The following OLFM2 variants were observed in gnomAD, a reference collection of about 807,000 sequenced individuals.
The protein encoded by OLFM2 is olfactomedin 2, also known as noelin-2.
OLFM2 carries 20 observed loss-of-function variants against 43.9 expected under a neutral mutation model. The ratio of observed to expected loss-of-function variants is 0.46; its 90% CI spans 0.32 to 0.66. The LOEUF (loss-of-function observed/expected upper bound fraction) is 0.66. OLFM2 is among the 30% of genes least tolerant of loss of function. OLFM2 has a pLI of 0.04. For missense variants in OLFM2, 416 were observed against 643.6 expected, an observed-to-expected ratio of 0.65 and a Z score of 3.83; for synonymous variants, 268 against 278.6, an observed-to-expected ratio of 0.96 and a Z score of 0.38.
intron 1 of OLFM2, among the ~76,000 whole-genome samples, chr19:9,903,823 T>G (rs1599491129): frequency 6.6e-6 from 1 of 152,206 alleles, no homozygotes; most frequent in Non-Finnish European, 1.5e-5. Flanking sequence ...AGCATCTATC[T>G]GCAGAACCAA....
rs2046300514 is a variant in OLFM2, at chr19:9,854,725, CG to C, written c.825del (p.Asn275LysfsTer101). On this transcript the variant is annotated frameshift_variant, in exon 6 of 6. Transcript: ENST00000264833. LOFTEE classifies it high-confidence loss of function. The surrounding 1 kb of genome is among the most constrained non-coding windows in gnomAD (Gnocchi z 9.5). ...PWAGTGHVVY[N>X]GSLFYNKYQS... is the part of the protein sequence containing the mutation. ...TGGTACTTGTTATAGAACAGGGAGC[CG>C]TTGTACACCACGTGGCCCGTGCCCG... 6.2e-7 allele frequency: 1 copy of C among 1,614,002 alleles called. No homozygotes were observed. The highest frequency in any genetic ancestry group is 1.1e-5 in the South Asian group (1 of 91,088).
chr19:9,912,438 G>A (rs550730908), intron 1 of OLFM2, among the ~76,000 whole-genome samples: 1 of 152,298 alleles, frequency 6.6e-6, no homozygotes, highest in East Asian at 1.9e-4. Flanking sequence ...TGGGGCTAAA[G>A]AAAGGGAGCC....
intron 1 of OLFM2, among the ~76,000 whole-genome samples, chr19:9,891,363 A>G (rs10410131): frequency 0.52 from 76,999 of 148,420 alleles, 20,532 homozygotes; most frequent in Admixed American, 0.61. Context: ...AGTGGCTCAC[A>G]TCTGTAATCC....
At position 9,854,315 on chromosome 19, in the gene OLFM2, G is replaced by A; in HGVS notation, c.1236C>T (p.Asn412=). 6.2e-7 allele frequency: 1 copy of A among 1,614,214 alleles called. No individual in the cohort carries two copies. Among genetic ancestry groups the A allele is most frequent in the South Asian group, 1.1e-5 (1 of 91,088 alleles). Residue 412 remains asparagine (N), a synonymous_variant, in exon 6 of 6, where the codon AAC becomes AAT. Coordinates refer to ENST00000264833, the MANE Select transcript of OLFM2 (RefSeq NM_058164.4). The surrounding 1 kb of genome is among the most constrained non-coding windows in gnomAD (Gnocchi z 9.5). ...CCAGCATCGAGATGTGGGAATACTG[G>A]TTGTGGAAGGGCACGTCCGTGTACT... ...SYEYTDVPFH[N]QYSHISMLDY...
At chr19:9,921,249 TGG>T (rs2086418000) in intron 1 of OLFM2, among the ~76,000 whole-genome samples, 1 of 152,062 alleles carries the variant, frequency 6.6e-6, no homozygotes, top group Non-Finnish European at 1.5e-5. Context: ...TCCGAGTAGC[TGG>T]GACTACAGTC....
At chr19:9,934,939 A>G (rs984715931) in intron 1 of OLFM2, among the ~76,000 whole-genome samples, 1 of 152,118 alleles carries the variant, frequency 6.6e-6, no homozygotes, top group Non-Finnish European at 1.5e-5. Context: ...TCCCCTGCCT[A>G]TCTACCTAAA....
chr19:9,869,465 GTCTT>G (rs879697408), intron 1 of OLFM2, among the ~76,000 whole-genome samples: 11 of 152,066 alleles, frequency 7.2e-5, no homozygotes, highest in Non-Finnish European at 1.3e-4. Context: ...ACCTCTCTGT[GTCTT>G]TCTTAGTTTT....
intron 1 of OLFM2, among the ~76,000 whole-genome samples, chr19:9,903,823 T>C (rs1599491129): frequency 6.6e-6 from 1 of 152,206 alleles, no homozygotes; most frequent in African/African-American, 2.4e-5. Flanking sequence ...AGCATCTATC[T>C]GCAGAACCAA....
chr19:9,857,361 G>T lies in OLFM2; in HGVS notation c.482C>A (p.Ala161Glu), dbSNP rs543442669. 1 of 1,614,150 alleles carries T rather than the reference G, an allele frequency of 6.2e-7. No homozygotes were observed. Among genetic ancestry groups the T allele is most frequent in the South Asian group, 1.1e-5 (1 of 91,086 alleles). The change falls in exon 4 of 6, where the codon GCG becomes GAG. Residue 161 changes from alanine (A) to glutamate (E), a missense_variant. Transcript: ENST00000264833. This position sits in a 1 kb window ranked among gnomAD's most constrained non-coding sequence, Gnocchi z 5.7. The stretch of plus-strand genomic sequence containing the variant: ...GGCACCCATCTCCTCCTGAATGGCC[G>T]CCAGACTGCCGGAGAGATTCCTCAC... ...EEVRNLSGSL[A>E]AIQEEMGAYG...
intron 1 of OLFM2, among the ~76,000 whole-genome samples, chr19:9,894,828 C>G (rs924140121): frequency 1.2e-4 from 18 of 152,068 alleles, no homozygotes; most frequent in African/African-American, 4.3e-4. Flanking sequence ...GGAGTCTGAC[C>G]CTTACCAAAG....
At chr19:9,914,131 C>G (rs984167374) in intron 1 of OLFM2, among the ~76,000 whole-genome samples, 1 of 151,806 alleles carries the variant, frequency 6.6e-6, no homozygotes, top group Non-Finnish European at 1.5e-5. Flanking sequence ...GCCTCCCGCA[C>G]GCAGACCCTC....
At chr19:9,898,117 G>C (rs1228849870) in intron 1 of OLFM2, among the ~76,000 whole-genome samples, 1 of 144,550 alleles carries the variant, frequency 6.9e-6, no homozygotes, top group Non-Finnish European at 1.5e-5. Flanking sequence ...CACCATGTTG[G>C]TCAGGGTGGT....
At chr19:9,878,561 C>A (rs1280546997) in intron 1 of OLFM2, among the ~76,000 whole-genome samples, 2 of 151,810 alleles carry the variant, frequency 1.3e-5, no homozygotes, top group African/African-American at 4.8e-5. Flanking sequence ...AGTTTCATTT[C>A]TCAAACAGGG....
chr19:9,862,015 G>A (rs1017491908), intron 1 of OLFM2, among the ~76,000 whole-genome samples: 5 of 101,432 alleles, frequency 4.9e-5, no homozygotes, highest in African/African-American at 8.1e-5. Context: ...GCAAGACTCC[G>A]TCTCAAAGAA....
chr19:9,895,226 G>A (rs146060062), intron 1 of OLFM2, among the ~76,000 whole-genome samples: 1 of 152,240 alleles, frequency 6.6e-6, no homozygotes, highest in East Asian at 1.9e-4. Flanking sequence ...AGTGGCTTAT[G>A]CCTGTTATCC....
intron 1 of OLFM2, among the ~76,000 whole-genome samples, chr19:9,879,656 A>G (rs1478133870): frequency 6.8e-6 from 1 of 148,038 alleles, no homozygotes; most frequent in African/African-American, 2.5e-5. Flanking sequence ...TAGCAGTATG[A>G]GAACGAACTA....
intron 1 of OLFM2, among the ~76,000 whole-genome samples, chr19:9,897,455 G>A (rs1007703421): frequency 6.6e-6 from 1 of 151,994 alleles, no homozygotes; most frequent in African/African-American, 2.4e-5. Context: ...CTGGGATCGC[G>A]CCACTGCACT....
At chr19:9,901,156 AAG>A (rs2046735115) in intron 1 of OLFM2, among the ~76,000 whole-genome samples, 2 of 149,580 alleles carry the variant, frequency 1.3e-5, no homozygotes, top group South Asian at 4.3e-4. Flanking sequence ...AGGAAAGAAA[AAG>A]AAAGAAAGGA....
intron 1 of OLFM2, among the ~76,000 whole-genome samples, chr19:9,910,167 A>C (rs542382246): frequency 1.3e-5 from 2 of 152,032 alleles, no homozygotes; most frequent in Non-Finnish European, 2.9e-5. Flanking sequence ...GCATCACTAC[A>C]CTCCAGCCTG....
Sources: allele counts gnomAD v4.1 joint callset (sites outside exome capture counted in the v4.1 genomes callset), GRCh38; gene constraint gnomAD v4.1.1; non-coding constraint Gnocchi (gnomAD v3.1); transcripts MANE v1.5; gene names NCBI Gene and HGNC (gene_info 2026-07-23, HGNC 2026-07-21).